The following MGRN1 variants were observed in gnomAD, a reference collection of about 807,000 sequenced individuals.
MGRN1 encodes the protein mahogunin ring finger 1, also known as E3 ubiquitin-protein ligase MGRN1.
Under a neutral mutation model 69.2 loss-of-function variants are expected in MGRN1, and 29 were observed. The ratio of observed to expected loss-of-function variants is 0.42; its 90% CI spans 0.31 to 0.57. The LOEUF (loss-of-function observed/expected upper bound fraction) is 0.57. Ranked by LOEUF, MGRN1 falls within the 20% of genes least tolerant of loss-of-function variation. The pLI is 0.15. For synonymous variants in MGRN1, 470 were observed against 344.2 expected (o/e 1.37, Z -4.04); for missense variants, 998 against 796.2 (o/e 1.25, Z -3.05).
chr16:4,683,002 T>G, intron 14 of MGRN1, 56 bp downstream of exon 14: 1 of 1,494,818 alleles, frequency 6.7e-7, no homozygotes, highest in East Asian at 2.4e-5. Flanking sequence ...CTCCTCCAGC[T>G]TCTGTCGCTG....
At chr16:4,664,580 G>A (rs2078755692) in intron 5 of MGRN1, 129 bp from the exon 6 acceptor site, 9 of 890,394 alleles carry the variant, frequency 1.0e-5, no homozygotes, top group African/African-American at 1.7e-5. Flanking sequence ...GCCATCTCGA[G>A]GCGTGTCCTC....
chr16:4,674,626 C>CTTTTTTTTTTTTTTTTTTTTTTTTTT lies in MGRN1; in HGVS notation c.955+994_955+995insTTTTTTTTTTTTTTTTTTTTTTTTTT, dbSNP rs71139654. On this transcript the variant is annotated intron_variant, in intron 10 of 16. Coordinates refer to ENST00000262370, the MANE Select transcript of MGRN1 (RefSeq NM_015246.4). Reference sequence around the variant, plus strand: ...CTTTTTTTTTCTTTTCTTTTCTTTTCTTTTTTTTTTTTTTTTTTTTTTTTT... The same window carrying CTTTTTTTTTTTTTTTTTTTTTTTTTT: ...CTTTTTTTTTCTTTTCTTTTCTTTTCTTTTTTTTTTTTTTTTTTTTTTTTTTTTTTTTTTTTTTTTTTTTTTTTTTT... Among the ~76,000 whole-genome samples the CTTTTTTTTTTTTTTTTTTTTTTTTTT allele has an allele frequency of 6.8e-4, 32 of 47,252 alleles. 1 individual carries two copies. The highest frequency in any genetic ancestry group is 2.2e-3 in the South Asian group (2 of 904). 31.0% of individuals were successfully genotyped at this position (47,252 alleles called of 152,430 possible).
intron 11 of MGRN1, among the ~76,000 whole-genome samples, chr16:4,679,323 T>C (rs772571645): frequency 2.6e-5 from 4 of 152,178 alleles, no homozygotes; most frequent in Admixed American, 6.5e-5. Context: ...GTCCCTCTTA[T>C]GCTGAGTGAG....
intron 16 of MGRN1, chr16:4,687,472 G>A (rs1469826310): frequency 1.0e-6 from 1 of 957,862 alleles, no homozygotes; most frequent in Non-Finnish European, 1.2e-6. Context: ...CCGGAGCTGG[G>A]GAGGTCAAGG....
At chr16:4,656,612 G>C (rs1407141736) in intron 4 of MGRN1, among the ~76,000 whole-genome samples, 1 of 152,200 alleles carries the variant, frequency 6.6e-6, no homozygotes, top group Non-Finnish European at 1.5e-5. Flanking sequence ...TGGGTGCAGT[G>C]ACTCAGGCCT....
chr16:4,648,512 G>C (rs552617833), intron 1 of MGRN1, among the ~76,000 whole-genome samples: 6 of 53,188 alleles, frequency 1.1e-4, no homozygotes, highest in African/African-American at 4.4e-4. Flanking sequence ...TCACCCGGGG[G>C]CTCCTCCCGG....
Position 4,665,835 on chromosome 16 carries a change from A to AT in MGRN1, c.678+696dup, listed in dbSNP as rs1040204819. ...AGGCCCATGCCACCATGCCTGGCCA[A>AT]TTTTTTTTTTTTGAGACAGAGTCTC... On this transcript the variant is annotated intron_variant, in intron 7 of 16. Coordinates refer to ENST00000262370, the MANE Select transcript of MGRN1 (RefSeq NM_015246.4). 2.8e-3 allele frequency among the ~76,000 whole-genome samples: 394 copies of AT among 139,814 alleles called. 1 individual carries two copies. Among genetic ancestry groups the AT allele is most frequent in the African/African-American group, 4.9e-3 (185 of 37,836 alleles). 91.7% of individuals were successfully genotyped at this position (139,814 alleles called of 152,430 possible). A position where few individuals can be genotyped will look rare whatever the true frequency, so the allele number is the denominator to read the frequency against.
intron 1 of MGRN1, among the ~76,000 whole-genome samples, chr16:4,638,233 G>A (rs886843206): frequency 6.6e-6 from 1 of 152,126 alleles, no homozygotes; most frequent in African/African-American, 2.4e-5. Flanking sequence ...TTGGGAGGCC[G>A]AGGCGGGTGG....
chr16:4,681,526 C>T, intron 12 of MGRN1, 24 bp from the exon 13 acceptor site: 1 of 1,591,446 alleles, frequency 6.3e-7, no homozygotes, highest in Non-Finnish European at 8.6e-7. Flanking sequence ...GGCATGAGCC[C>T]CCTCACGCAC....
chr16:4,681,703 C>A lies in MGRN1; in HGVS notation c.1285C>A (p.Pro429Thr). 3.7e-6 allele frequency: 6 copies of A among 1,613,338 alleles called. No individual in the cohort carries two copies. Among genetic ancestry groups the A allele is most frequent in the Non-Finnish European group, 5.1e-6 (6 of 1,179,976 alleles). Residue 429 changes from proline (P) to threonine (T), a missense_variant, in exon 13 of 17, where the codon CCC becomes ACC. By Grantham distance (38) the Pro-to-Thr change is conservative. Coordinates refer to ENST00000262370, the MANE Select transcript of MGRN1 (RefSeq NM_015246.4). ...GGACGGCCTGTCCCAGGCCAGCTGT[C>A]CCCTCGCGGCTATCGACCACATCCT... is the stretch of plus-strand genomic sequence containing the variant. ...ISDGLSQASC[P>T]LAAIDHILDS...
In MGRN1 at chr16:4,652,834, G is replaced by A. The variant is rs747893011; in HGVS notation, c.443+10G>A. ...TGAACGGCAGGGCAGTGTGAGTCCCGCGGGCGGCTGGCACCGGCCTGGCTG... is the reference window on the plus strand; with the variant it reads ...TGAACGGCAGGGCAGTGTGAGTCCCACGGGCGGCTGGCACCGGCCTGGCTG... On this transcript the variant is annotated intron_variant, in intron 4 of 16. Transcript: ENST00000262370. The A allele has an allele frequency of 1.6e-5, 25 of 1,586,312 alleles. No individual in the cohort carries two copies. In the South Asian group the frequency reaches 2.3e-4, roughly 14 times the overall value.
intron 2 of MGRN1, 39 bp downstream of exon 2, chr16:4,650,522 T>G (rs1596279748): frequency 1.3e-6 from 2 of 1,498,444 alleles, no homozygotes; most frequent in Non-Finnish European, 1.8e-6. Flanking sequence ...GCTGTGGGGG[T>G]GGGAGGCCCC....
Position 4,629,236 on chromosome 16 carries a change from ATTGT to A in MGRN1, c.88+4191_88+4194del, listed in dbSNP as rs202118589. On this transcript the variant is annotated intron_variant, in intron 1 of 16. Transcript: ENST00000262370. The stretch of plus-strand genomic sequence containing the variant: ...CTTTTGTCCAATTTTCAAAAACTGG[ATTGT>A]TTATCTTACGGAGTTGTAACAAAGA... Among the ~76,000 whole-genome samples the A allele has an allele frequency of 8.0e-3, 1,205 of 151,200 alleles. 22 individuals carry two copies. The highest frequency in any genetic ancestry group is 0.027 in the African/African-American group (1,129 of 41,148).
chr16:4,684,355 G>A (rs1354391967), intron 16 of MGRN1, among the ~76,000 whole-genome samples: 1 of 152,244 alleles, frequency 6.6e-6, no homozygotes, highest in Non-Finnish European at 1.5e-5. Context: ...GCCCCATGCT[G>A]GGTGCCACGT....
At chr16:4,644,430 C>T (rs566364506) in intron 1 of MGRN1, among the ~76,000 whole-genome samples, 1 of 151,944 alleles carries the variant, frequency 6.6e-6, no homozygotes, top group Admixed American at 6.6e-5. Flanking sequence ...CCTGCCTCAG[C>T]CTCCCAAGTA....
At chr16:4,686,043 G>C (rs988281460) in intron 16 of MGRN1, among the ~76,000 whole-genome samples, 3 of 152,162 alleles carry the variant, frequency 2.0e-5, no homozygotes, top group African/African-American at 4.8e-5. Flanking sequence ...AGGTATGGGA[G>C]GGAGGGGCAG....
At chr16:4,651,519 G>A (rs1056832728) in intron 2 of MGRN1, among the ~76,000 whole-genome samples, 5 of 152,188 alleles carry the variant, frequency 3.3e-5, no homozygotes, top group African/African-American at 1.2e-4. Flanking sequence ...GAGGTGAGAG[G>A]GTGCAGGCCT....
chr16:4,688,745 G>A (rs577684291), intron 16 of MGRN1, 51 bp from the exon 17 acceptor site: 75 of 1,506,904 alleles, frequency 5.0e-5, no homozygotes, highest in African/African-American at 3.3e-4. Context: ...AGCGGGTGGC[G>A]TGGCACCAGG....
intron 15 of MGRN1, 81 bp from the exon 16 acceptor site, chr16:4,683,762 G>A: frequency 7.8e-7 from 1 of 1,280,640 alleles, no homozygotes; most frequent in Non-Finnish European, 1.1e-6. Context: ...CCTTGGGTAA[G>A]AGAGACGGCC....
Sources: gnomAD v4.1 joint callset for allele counts (sites outside exome capture counted in the v4.1 genomes callset) on GRCh38, gnomAD v4.1.1 for gene constraint, MANE v1.5 for transcripts, NCBI Gene and HGNC (gene_info 2026-07-23, HGNC 2026-07-21) for gene names.